C6: variants seen among roughly 807,000 people sequenced by gnomAD.
C6 encodes the protein complement component C6.
In C6, 101 loss-of-function variants were observed where a neutral mutation model predicts 112.9. That is an observed-to-expected ratio of 0.89 (90% CI 0.76 to 1.06). The LOEUF is 1.06. C6 is among the 50% of genes least tolerant of loss of function. The pLI is 0.00. For missense variants in C6, 1,202 were observed against 1,104.6 expected, an observed-to-expected ratio of 1.09 and a Z score of -1.25; for synonymous variants, 431 against 384.1, an observed-to-expected ratio of 1.12 and a Z score of -1.43.
rs560790444 is a variant in C6, at chr5:41,232,608, T to A, written c.-21+28586A>T. ...AAAGCAGGTATGCATTGTTTCTGAT[T>A]AGTAAAGTTATGTGTGTTTTCTTAG... is the stretch of plus-strand genomic sequence containing the variant. On this transcript the variant is annotated intron_variant, in intron 1 of 17. Transcript: ENST00000263413. Among the ~76,000 whole-genome samples the A allele has an allele frequency of 2.0e-5, 3 of 152,216 alleles. No individual in the cohort carries two copies. In the South Asian group the frequency reaches 6.2e-4, roughly 32 times the overall value.
chr5:41,181,663 TA>T, intron 6 of C6, 104 bp from the exon 7 acceptor site: 2 of 961,510 alleles, frequency 2.1e-6, no homozygotes, highest in Admixed American at 4.1e-5. Context: ...ACTCAGCCAG[TA>T]TTTATTGAGG....
At chr5:41,255,236 C>T (rs1741616974) in intron 1 of C6, among the ~76,000 whole-genome samples, 1 of 151,904 alleles carries the variant, frequency 6.6e-6, no homozygotes. Flanking sequence ...TGGTGGGTGC[C>T]TGTAATCCCA....
chr5:41,236,349 G>T (rs1349834812), intron 1 of C6, among the ~76,000 whole-genome samples: 4 of 149,454 alleles, frequency 2.7e-5, no homozygotes, highest in East Asian at 2.0e-4. Flanking sequence ...TTTCCCCATT[G>T]CTTGTTTTTC....
At chr5:41,235,272 TG>T (rs1445744029) in intron 1 of C6, among the ~76,000 whole-genome samples, 1 of 129,010 alleles carries the variant, frequency 7.8e-6, no homozygotes, top group East Asian at 2.4e-4. Context: ...TTCCCCTTCC[TG>T]TGTCCATGTG....
At chr5:41,246,661 A>G (rs1035727557) in intron 1 of C6, among the ~76,000 whole-genome samples, 7 of 152,142 alleles carry the variant, frequency 4.6e-5, no homozygotes, top group African/African-American at 1.7e-4. Flanking sequence ...GGGCAGTCTA[A>G]CTCTAGGCTG....
chr5:41,249,811 A>G (rs1580256921), intron 1 of C6, among the ~76,000 whole-genome samples: 1 of 152,216 alleles, frequency 6.6e-6, no homozygotes, highest in South Asian at 2.1e-4. Flanking sequence ...AAATAGGCTC[A>G]TTTCAGATCT....
At position 41,213,408 on chromosome 5, in the gene C6, A is replaced by G; in HGVS notation, c.-53T>C. On this transcript the variant is annotated 5_prime_UTR_variant, in exon 1 of 18. Transcript: ENST00000337836. ...CAGAGTTTGTGGTGTCCTCGGACCT[A>G]AGCTGCAAATTATTGGGGAAAAAAT... is the stretch of plus-strand genomic sequence containing the variant. 1.0e-6 allele frequency: 1 copy of G among 985,370 alleles called. No homozygotes were observed. The highest frequency in any genetic ancestry group is 1.2e-6 in the Non-Finnish European group (1 of 829,864). 61.0% of individuals were successfully genotyped at this position (985,370 alleles called of 1,614,324 possible). A position where few individuals can be genotyped will look rare whatever the true frequency, so the allele number is the denominator to read the frequency against.
chr5:41,197,669 T>C (rs1238980468), intron 4 of C6, among the ~76,000 whole-genome samples: 1 of 152,064 alleles, frequency 6.6e-6, no homozygotes, highest in Non-Finnish European at 1.5e-5. Flanking sequence ...TTAGTACTTA[T>C]AGGGATATCT....
At chr5:41,228,712 T>C (rs73074062) in intron 1 of C6, among the ~76,000 whole-genome samples, 11,705 of 152,282 alleles carry the variant, frequency 0.077, 746 homozygotes, top group African/African-American at 0.17. Flanking sequence ...ATTGAGATGA[T>C]AATATGGTTT....
chr5:41,196,684 C>A (rs1250249074), intron 4 of C6, among the ~76,000 whole-genome samples: 1 of 151,080 alleles, frequency 6.6e-6, no homozygotes, highest in Non-Finnish European at 1.5e-5. Context: ...TATATAATTA[C>A]TGTATATAAT....
chr5:41,204,659 C>CTTTTTTTTTTTTTTTTTTT (rs56809256), intron 1 of C6, among the ~76,000 whole-genome samples: 1 of 133,330 alleles, frequency 7.5e-6, no homozygotes, highest in Non-Finnish European at 1.5e-5. Context: ...AATCAGTAAG[C>CTTTTTTTTTTTTTTTTTTT]TTTTTTTTTT....
intron 1 of C6, among the ~76,000 whole-genome samples, chr5:41,241,453 C>CA (rs1740707132): frequency 6.6e-6 from 1 of 152,062 alleles, no homozygotes; most frequent in Non-Finnish European, 1.5e-5. Context: ...TTGGAGGAAT[C>CA]AAAAAATATT....
intron 1 of C6, among the ~76,000 whole-genome samples, chr5:41,250,443 A>G (rs1475236250): frequency 2.0e-5 from 3 of 152,164 alleles, no homozygotes; most frequent in Non-Finnish European, 2.9e-5. Flanking sequence ...GTACCCAGTT[A>G]TATTTTAGAC....
intron 1 of C6, among the ~76,000 whole-genome samples, chr5:41,226,240 T>G (rs1435164513): frequency 6.6e-6 from 1 of 152,046 alleles, no homozygotes; most frequent in Non-Finnish European, 1.5e-5. Context: ...TACAATGAAC[T>G]CAAACAAATT....
Position 41,161,809 on chromosome 5 carries a change from T to C in C6, c.1342A>G (p.Arg448Gly). 1 of 1,613,690 alleles carries C rather than the reference T, an allele frequency of 6.2e-7. No individual in the cohort carries two copies. The highest frequency in any genetic ancestry group is 8.5e-7 in the Non-Finnish European group (1 of 1,179,700). ...EKSISLIRGG[R>G]SEYGAALAWE... ...GCCAAAGCTGCTCCATATTCACTCC[T>C]TCCACCTCGAATCAGGGATATGGAT... Residue 448 changes from arginine (R) to glycine (G), a missense_variant, in exon 10 of 18, where the codon AGG becomes GGG. Coordinates refer to ENST00000337836, the MANE Select transcript of C6 (RefSeq NM_000065.5).
At chr5:41,205,179 C>G (rs925632218) in intron 1 of C6, among the ~76,000 whole-genome samples, 1 of 152,118 alleles carries the variant, frequency 6.6e-6, no homozygotes, top group Non-Finnish European at 1.5e-5. Context: ...TTTACCCAAG[C>G]TTTTTACTCC....
chr5:41,199,887 G>C lies in C6; in HGVS notation c.326C>G (p.Pro109Arg). The C allele has an allele frequency of 6.2e-7, 1 of 1,613,634 alleles. No individual in the cohort carries two copies. Among genetic ancestry groups the C allele is most frequent in the Non-Finnish European group, 8.5e-7 (1 of 1,179,696 alleles). ...GCATGGCTGTCCCCCAAACTGACTG[G>C]GACGCAAGACAGATCTAACTTTAGA... ...KQSKVRSVLR[P>R]SQFGGQPCTA... The change falls in exon 4 of 18, where the codon CCC becomes CGC. Residue 109 changes from proline (P) to arginine (R), a missense_variant. By Grantham distance (103) the Pro-to-Arg change is moderately radical. Coordinates refer to ENST00000337836, the MANE Select transcript of C6 (RefSeq NM_000065.5).
rs562305433 is a variant in C6 at position 41,244,152 on chromosome 5, A to G, written c.-21+17042T>C. Among the ~76,000 whole-genome samples, 81 of 152,356 alleles carry G rather than the reference A, an allele frequency of 5.3e-4. 2 individuals are homozygous for G. The highest frequency in any genetic ancestry group is 3.9e-3 in the Admixed American group (60 of 15,308). On this transcript the variant is annotated intron_variant, in intron 1 of 17. Coordinates refer to the C6 transcript ENST00000263413. ...TTTGAACTTAATGTGTGAAAAATAA[A>G]GTTTTATAATAAAGTTGCAAAAGCA...
At chr5:41,208,538 T>G (rs1252591566) in intron 1 of C6, among the ~76,000 whole-genome samples, 1 of 151,974 alleles carries the variant, frequency 6.6e-6, no homozygotes, top group African/African-American at 2.4e-5. Flanking sequence ...ATAAAGGGGA[T>G]ATCACCACCG....
Sources: allele counts gnomAD v4.1 joint callset (sites outside exome capture counted in the v4.1 genomes callset), GRCh38; gene constraint gnomAD v4.1.1; transcripts MANE v1.5; gene names NCBI Gene and HGNC (gene_info 2026-07-23, HGNC 2026-07-21).